The following PPP5C variants were observed in gnomAD, a reference collection of about 807,000 sequenced individuals.
The protein encoded by PPP5C is protein phosphatase 5 catalytic subunit, also known as serine/threonine-protein phosphatase 5.
PPP5C carries 21 observed loss-of-function variants against 66.7 expected under a neutral mutation model. The observed-to-expected ratio is 0.31, with a 90% confidence interval of 0.22 to 0.45. The LOEUF is 0.45. Among genes scored for constraint, PPP5C ranks in the 20% least tolerant of loss-of-function variants. The pLI, the probability that PPP5C is intolerant of heterozygous loss-of-function variation, is 1.00. For synonymous variants in PPP5C, 246 were observed against 257.4 expected (o/e 0.96, Z 0.43); for missense variants, 464 against 675.9 (o/e 0.69, Z 3.48).
chr19:46,369,949 A>G (rs1276533991), intron 2 of PPP5C, among the ~76,000 whole-genome samples: 2 of 151,038 alleles, frequency 1.3e-5, no homozygotes, highest in African/African-American at 2.4e-5. Flanking sequence ...AAAAAGATAA[A>G]ATCTAGTACA....
intron 2 of PPP5C, among the ~76,000 whole-genome samples, chr19:46,375,372 G>T (rs4803936): frequency 6.6e-6 from 1 of 152,104 alleles, no homozygotes; most frequent in Non-Finnish European, 1.5e-5. Flanking sequence ...ATTTTAGCGC[G>T]CTCATAGCTA....
chr19:46,383,138 C>G lies in PPP5C; in HGVS notation c.634-273C>G, dbSNP rs1413383999. 7.2e-7 allele frequency: 1 copy of G among 1,387,538 alleles called. No individual in the cohort carries two copies. Among genetic ancestry groups the G allele is most frequent in the Non-Finnish European group, 9.5e-7 (1 of 1,057,038 alleles). The allele number at this position is 1,387,538 out of a possible 1,614,324, so 86.0% of individuals were successfully genotyped here. ...ACGATCTGGATTCATGCATGTATTTCCACTTGATGCTGAGTATTTTAAGAT... is the reference window on the plus strand; with the variant it reads ...ACGATCTGGATTCATGCATGTATTTGCACTTGATGCTGAGTATTTTAAGAT... On this transcript the variant is annotated intron_variant, in intron 4 of 12. Transcript: ENST00000012443. This position sits in a 1 kb window ranked among gnomAD's most constrained non-coding sequence, Gnocchi z 5.0.
At chr19:46,358,720 G>A (rs1191336197) in intron 2 of PPP5C, among the ~76,000 whole-genome samples, 4 of 152,160 alleles carry the variant, frequency 2.6e-5, no homozygotes, top group East Asian at 1.9e-4. Context: ...AGGATAAATC[G>A]GGGAGGAGTG....
intron 11 of PPP5C, among the ~76,000 whole-genome samples, chr19:46,389,436 CACACACACACACACACACACACACAG>C (rs2099425282): frequency 4.9e-5 from 4 of 81,334 alleles, no homozygotes; most frequent in African/African-American, 1.9e-4. Flanking sequence ...CACACACACA[CACACACACACACACACACACACACAG>C]TGTTGATCCC....
intron 2 of PPP5C, among the ~76,000 whole-genome samples, chr19:46,357,515 C>G (rs1210346256): frequency 6.6e-6 from 1 of 152,196 alleles, no homozygotes; most frequent in Non-Finnish European, 1.5e-5. Context: ...CACTATCTGT[C>G]CAGAGATAGC....
At chr19:46,373,655 G>A (rs952413272) in intron 2 of PPP5C, among the ~76,000 whole-genome samples, 13 of 152,184 alleles carry the variant, frequency 8.5e-5, no homozygotes, top group African/African-American at 3.1e-4. Context: ...AGAAAGGGGG[G>A]AAGGGAAATT....
chr19:46,389,813 CCCTTCCTGCT>C (rs1347129336), intron 11 of PPP5C, among the ~76,000 whole-genome samples: 1 of 152,058 alleles, frequency 6.6e-6, no homozygotes, highest in African/African-American at 2.4e-5. Flanking sequence ...TATGCCCTGC[CCCTTCCTGCT>C]CCTGCTTCCT....
intron 2 of PPP5C, among the ~76,000 whole-genome samples, chr19:46,358,559 T>C (rs544069244): frequency 3.0e-4 from 46 of 152,364 alleles, no homozygotes; most frequent in African/African-American, 1.1e-3. Context: ...CGTTTCTTCA[T>C]TTATACCTGT....
At chr19:46,367,657 C>T (rs1972513275) in intron 2 of PPP5C, among the ~76,000 whole-genome samples, 1 of 152,160 alleles carries the variant, frequency 6.6e-6, no homozygotes, top group Non-Finnish European at 1.5e-5. Flanking sequence ...CCTGGTTGCT[C>T]CTCTCTGCAA....
chr19:46,352,915 C>T (rs796386108), intron 1 of PPP5C, among the ~76,000 whole-genome samples: 3 of 152,048 alleles, frequency 2.0e-5, no homozygotes, highest in East Asian at 1.9e-4. Context: ...GATTTGGAGA[C>T]GGGGGTTAAT....
chr19:46,371,157 G>A (rs1972584957), intron 2 of PPP5C, among the ~76,000 whole-genome samples: 1 of 152,148 alleles, frequency 6.6e-6, no homozygotes, highest in Non-Finnish European at 1.5e-5. Flanking sequence ...TCCTGTCTAT[G>A]CTTGGAACTT....
Position 46,383,505 on chromosome 19 carries a change from G to A in PPP5C, c.699+29G>A. 1 of 1,566,964 alleles carries A rather than the reference G, an allele frequency of 6.4e-7. No individual in the cohort carries two copies. Among genetic ancestry groups the A allele is most frequent in the Non-Finnish European group, 8.7e-7 (1 of 1,148,562 alleles). On this transcript the variant is annotated intron_variant, in intron 5 of 12. Transcript: ENST00000012443. This position sits in a 1 kb window ranked among gnomAD's most constrained non-coding sequence, Gnocchi z 5.0. Reference sequence around the variant, plus strand: ...CGCGTTGTGGGGCAGTGCGGGGAGGGCCAGCGGGGGTGGGCTCTCTGGCTG... The same window carrying A: ...CGCGTTGTGGGGCAGTGCGGGGAGGACCAGCGGGGGTGGGCTCTCTGGCTG...
chr19:46,382,836 A>G, intron 4 of PPP5C: 4 of 1,037,350 alleles, frequency 3.9e-6, no homozygotes, highest in Non-Finnish European at 4.6e-6. Context: ...AAACATTGAC[A>G]AATATGCATG....
chr19:46,357,978 G>A (rs1972316436), intron 2 of PPP5C, among the ~76,000 whole-genome samples: 2 of 152,258 alleles, frequency 1.3e-5, no homozygotes, highest in Admixed American at 1.3e-4. Flanking sequence ...TGGAGGGTGG[G>A]GCTGAAACAT....
chr19:46,347,136 C>A lies in PPP5C; in HGVS notation c.40C>A (p.Pro14Thr), dbSNP rs764757552. 4 of 1,603,764 alleles carry A rather than the reference C, an allele frequency of 2.5e-6. No individual in the cohort carries two copies. The highest frequency in any genetic ancestry group is 2.6e-6 in the Non-Finnish European group (3 of 1,175,492). The change falls in exon 1 of 13, where the codon CCC becomes ACC. Residue 14 changes from proline (P) to threonine (T), a missense_variant. By Grantham distance (38) the Pro-to-Thr change is conservative. This residue lies in a region of PPP5C where 77 missense variants were observed against 49.9 expected (regional missense o/e 1.54). Transcript: ENST00000012443. Reference protein sequence around the residue: ...AEGERTECAEPPRDEPPADGA... With the variant: ...AEGERTECAETPRDEPPADGA... ...GGGCGAGAGGACTGAGTGTGCTGAG[C>A]CCCCCCGGGACGAACCCCCGGCTGA...
At chr19:46,380,466 G>A (rs955796999) in intron 4 of PPP5C, among the ~76,000 whole-genome samples, 3 of 152,092 alleles carry the variant, frequency 2.0e-5, no homozygotes, top group Non-Finnish European at 4.4e-5. Flanking sequence ...AGAAATACAC[G>A]TATGAATACA....
Position 46,376,752 on chromosome 19 carries a change from C to T in PPP5C, c.633+178C>T, listed in dbSNP as rs1266026623. 10 of 883,290 alleles carry T rather than the reference C, an allele frequency of 1.1e-5. No homozygotes were observed. In the Admixed American group the frequency reaches 2.4e-4, roughly 21 times the overall value. The allele number at this position is 883,290 out of a possible 1,614,324, so 54.7% of individuals were successfully genotyped here. A position where few individuals can be genotyped will look rare whatever the true frequency, so the allele number is the denominator to read the frequency against. Reference sequence around the variant, plus strand: ...TACCACATGATCTCATCTCGTCCCACAGCAGTTTGGGGAGGTGGCAGGCAG... The same window carrying T: ...TACCACATGATCTCATCTCGTCCCATAGCAGTTTGGGGAGGTGGCAGGCAG... On this transcript the variant is annotated intron_variant, in intron 4 of 12. Transcript: ENST00000012443. The surrounding 1 kb of genome is among the most constrained non-coding windows in gnomAD (Gnocchi z 5.1).
rs79385913 is a variant in PPP5C, at chr19:46,384,068, C to T, written c.798+190C>T. On this transcript the variant is annotated intron_variant, in intron 6 of 12. Transcript: ENST00000012443. Reference sequence around the variant, plus strand: ...ATGCACCCCAGGCTCCAGGCTCGGACAGGCCTGGGCCAGCACCCACCTGCT... The same window carrying T: ...ATGCACCCCAGGCTCCAGGCTCGGATAGGCCTGGGCCAGCACCCACCTGCT... 4.9e-3 allele frequency: 2,922 copies of T among 596,668 alleles called. 7 individuals are homozygous for T. The highest frequency in any genetic ancestry group is 6.5e-3 in the Non-Finnish European group (2,192 of 336,320). 37.0% of individuals were successfully genotyped at this position (596,668 alleles called of 1,614,324 possible).
chr19:46,387,934 A>T, intron 9 of PPP5C: 1 of 298,350 alleles, frequency 3.4e-6, no homozygotes, highest in Non-Finnish European at 6.4e-6. Flanking sequence ...CCGTGCACAG[A>T]GCCTGGCGAG....
Sources: allele counts gnomAD v4.1 joint callset (sites outside exome capture counted in the v4.1 genomes callset), GRCh38; gene constraint gnomAD v4.1.1; regional missense constraint gnomAD v4.1.1; non-coding constraint Gnocchi (gnomAD v3.1); transcripts MANE v1.5; gene names NCBI Gene and HGNC (gene_info 2026-07-23, HGNC 2026-07-21).